The following SLC39A11 variants were observed in gnomAD, a reference collection of about 807,000 sequenced individuals.
The protein encoded by SLC39A11 is solute carrier family 39 member 11.
SLC39A11 carries 33 observed loss-of-function variants against 36.1 expected under a neutral mutation model. That is an observed-to-expected ratio of 0.91 (90% confidence interval 0.69 to 1.22). The LOEUF is 1.22. Among genes scored for constraint, SLC39A11 ranks in the 50% most tolerant of loss-of-function variants. The pLI, the probability that SLC39A11 is intolerant of heterozygous loss-of-function variation, is 0.00. For synonymous variants in SLC39A11, 166 were observed against 170.3 expected, an observed-to-expected ratio of 0.97 and a Z score of 0.20; for missense variants, 432 against 430.3, an observed-to-expected ratio of 1.00 and a Z score of -0.03.
rs200210150 is a variant in SLC39A11 at position 72,777,909 on chromosome 17, T to A, written c.602-41190A>T. Among the ~76,000 whole-genome samples the A allele has an allele frequency of 7.6e-4, 102 of 133,488 alleles. 1 individual carries two copies. The highest frequency in any genetic ancestry group is 2.5e-3 in the African/African-American group (97 of 38,312). The allele number at this position is 133,488 out of a possible 152,430, so 87.6% of individuals were successfully genotyped here. On this transcript the variant is annotated intron_variant, in intron 6 of 9. Coordinates refer to ENST00000255559, the MANE Select transcript of SLC39A11 (RefSeq NM_139177.4). ...TGTATGTATGTATGTACGTACATAC[T>A]TACTTACTTATTTGAGACAGAGCCT...
intron 7 of SLC39A11, among the ~76,000 whole-genome samples, chr17:72,728,678 C>A (rs973226592): frequency 6.6e-6 from 1 of 152,056 alleles, no homozygotes; most frequent in African/African-American, 2.4e-5. Flanking sequence ...AAATTTGGCC[C>A]GCAGACCATA....
At chr17:72,792,365 T>C (rs544925846) in intron 6 of SLC39A11, among the ~76,000 whole-genome samples, 1 of 152,260 alleles carries the variant, frequency 6.6e-6, no homozygotes, top group Non-Finnish European at 1.5e-5. Flanking sequence ...ACCCAGAAAG[T>C]TGAGGACTGG....
In SLC39A11 at chr17:73,031,835, C is replaced by T. The variant is rs143710248; in HGVS notation, c.148-121G>A. Reference sequence around the variant, plus strand: ...ACAATTTCACATGAGTTCAGTCTTTCGTCCCAGGTTGGGAGGTACTATCAG... The same window carrying T: ...ACAATTTCACATGAGTTCAGTCTTTTGTCCCAGGTTGGGAGGTACTATCAG... On this transcript the variant is annotated intron_variant, in intron 3 of 9. Transcript: ENST00000255559. 1,072 of 1,026,386 alleles carry T rather than the reference C, an allele frequency of 1.0e-3. 8 individuals are homozygous for T. The East Asian group carries it at 0.01, about 10-fold the overall frequency. The allele number at this position is 1,026,386 out of a possible 1,614,324, so 63.6% of individuals were successfully genotyped here.
intron 5 of SLC39A11, among the ~76,000 whole-genome samples, chr17:72,883,525 A>G (rs1251582346): frequency 6.6e-6 from 1 of 151,786 alleles, no homozygotes; most frequent in Non-Finnish European, 1.5e-5. Flanking sequence ...GAAGCTAGCC[A>G]GTTAATTACA....
intron 5 of SLC39A11, among the ~76,000 whole-genome samples, chr17:72,850,539 G>A (rs2079260077): frequency 6.6e-6 from 1 of 151,104 alleles, no homozygotes; most frequent in Non-Finnish European, 1.5e-5. Flanking sequence ...AGATGAAGAT[G>A]TGGTATCCTA....
chr17:73,064,645 G>A (rs921605756), intron 3 of SLC39A11, among the ~76,000 whole-genome samples: 1 of 152,138 alleles, frequency 6.6e-6, no homozygotes, highest in Admixed American at 6.5e-5. Flanking sequence ...CCCCCTCTAA[G>A]GAAAGCAGCA....
At chr17:73,072,817 T>C (rs1407764049) in intron 3 of SLC39A11, among the ~76,000 whole-genome samples, 1 of 152,222 alleles carries the variant, frequency 6.6e-6, no homozygotes, top group African/African-American at 2.4e-5. Context: ...CTCATGTGGT[T>C]TGAGAATGTT....
intron 7 of SLC39A11, among the ~76,000 whole-genome samples, chr17:72,693,952 G>A (rs1348780135): frequency 3.3e-5 from 5 of 152,098 alleles, no homozygotes; most frequent in Non-Finnish European, 7.3e-5. Flanking sequence ...GTGAGCCACC[G>A]AGCCCAGCCC....
At chr17:72,795,698 A>G (rs1218053532) in intron 6 of SLC39A11, among the ~76,000 whole-genome samples, 1 of 152,120 alleles carries the variant, frequency 6.6e-6, no homozygotes, top group Non-Finnish European at 1.5e-5. Context: ...GAAGAGTTCA[A>G]AATTCCCTGT....
intron 6 of SLC39A11, among the ~76,000 whole-genome samples, chr17:72,754,603 G>A (rs1177901023): frequency 1.3e-5 from 2 of 152,154 alleles, no homozygotes; most frequent in Admixed American, 6.5e-5. Context: ...TTACAGCACT[G>A]GAATGATGGG....
rs577614934 is a variant in SLC39A11 at position 72,686,280 on chromosome 17, C to T, written c.672-37012G>A. On this transcript the variant is annotated intron_variant, in intron 7 of 9. Coordinates refer to ENST00000255559, the MANE Select transcript of SLC39A11 (RefSeq NM_139177.4). ...TTGCTGGCATGCTTCCAGCCAGATG[C>T]TGTGCTTTCCTAGGATTGGAGCCTC... Among the ~76,000 whole-genome samples the T allele has an allele frequency of 5.3e-5, 8 of 152,350 alleles. No individual in the cohort carries two copies. In the South Asian group the frequency reaches 1.4e-3, roughly 28 times the overall value.
intron 3 of SLC39A11, among the ~76,000 whole-genome samples, chr17:73,081,651 AC>A (rs1568242572): frequency 1.3e-4 from 20 of 149,492 alleles, no homozygotes; most frequent in African/African-American, 3.7e-4. Flanking sequence ...ACACACACAC[AC>A]ACACACACAC....
chr17:73,004,235 A>AGAAAT (rs1332315944), intron 4 of SLC39A11, among the ~76,000 whole-genome samples: 1 of 137,644 alleles, frequency 7.3e-6, no homozygotes, highest in Non-Finnish European at 1.6e-5. Flanking sequence ...AAGAAAGAAA[A>AGAAAT]GAAAGAAAGA....
intron 5 of SLC39A11, among the ~76,000 whole-genome samples, chr17:72,889,877 G>A (rs547157082): frequency 3.3e-5 from 5 of 152,296 alleles, no homozygotes; most frequent in Non-Finnish European, 7.4e-5. Flanking sequence ...AGCATGGCTT[G>A]AGTATCGTGT....
chr17:72,904,924 A>G (rs2082572606), intron 5 of SLC39A11, among the ~76,000 whole-genome samples: 1 of 152,154 alleles, frequency 6.6e-6, no homozygotes, highest in South Asian at 2.1e-4. Context: ...CTGTAATCCC[A>G]GCACTTTGGG....
chr17:72,844,335 C>G, intron 6 of SLC39A11, among the ~76,000 whole-genome samples: 1 of 152,270 alleles, frequency 6.6e-6, no homozygotes, highest in Non-Finnish European at 1.5e-5. Flanking sequence ...TAGTTAGACC[C>G]TTGGTGGCTT....
At chr17:73,087,734 C>T (rs1481509026) in intron 2 of SLC39A11, among the ~76,000 whole-genome samples, 1 of 151,798 alleles carries the variant, frequency 6.6e-6, no homozygotes, top group Non-Finnish European at 1.5e-5. Context: ...GGGGCCATGA[C>T]AGTGAGTGAG....
At chr17:72,974,431 CAA>C (rs35927526) in intron 4 of SLC39A11, among the ~76,000 whole-genome samples, 7 of 132,374 alleles carry the variant, frequency 5.3e-5, no homozygotes, top group African/African-American at 5.8e-5. Flanking sequence ...CATTTTGTAC[CAA>C]AAAAAAAAAA....
chr17:72,959,566 G>A (rs2086480926), intron 4 of SLC39A11, among the ~76,000 whole-genome samples: 1 of 151,604 alleles, frequency 6.6e-6, no homozygotes, highest in Admixed American at 6.6e-5. Flanking sequence ...GGGAACTTGG[G>A]GGGAAGGGTG....
Sources: allele counts gnomAD v4.1 joint callset (sites outside exome capture counted in the v4.1 genomes callset), GRCh38; gene constraint gnomAD v4.1.1; transcripts MANE v1.5; gene names NCBI Gene and HGNC (gene_info 2026-07-23, HGNC 2026-07-21).